PLD5: variants seen among roughly 807,000 people sequenced by gnomAD.
The protein encoded by PLD5 is phospholipase D family member 5.
PLD5 carries 36 observed loss-of-function variants against 61.1 expected under a neutral mutation model. The observed-to-expected ratio is 0.59, with a 90% confidence interval of 0.45 to 0.78. The LOEUF is 0.78. PLD5 is among the 30% of genes least tolerant of loss of function. The pLI is 0.00. For synonymous variants in PLD5, 243 were observed against 242.8 expected (o/e 1.00, Z -0.01); for missense variants, 515 against 644.4 (o/e 0.80, Z 2.17).
intron 9 of PLD5, among the ~76,000 whole-genome samples, chr1:242,096,695 T>A (rs1257965373): frequency 6.6e-6 from 1 of 151,528 alleles, no homozygotes; most frequent in Non-Finnish European, 1.5e-5. Flanking sequence ...TTTTTTTTTT[T>A]TTTAGTCTGC....
At chr1:242,515,508 T>C (rs1254218639) in intron 1 of PLD5, among the ~76,000 whole-genome samples, 3 of 152,218 alleles carry the variant, frequency 2.0e-5, no homozygotes, top group Non-Finnish European at 4.4e-5. Flanking sequence ...CCACCACGCC[T>C]GGCCAGCTTT....
rs562161987 is a variant in PLD5 at position 242,228,125 on chromosome 1, C to T, written c.608-8010G>A. On this transcript the variant is annotated intron_variant, in intron 4 of 9. Coordinates refer to ENST00000536534, the MANE Select transcript of PLD5 (RefSeq NM_001372062.1). ...CACATTTACACATTACACTTGCACACGAGGAAGATGGGAGGAAATGAGCAA... is the reference window on the plus strand; with the variant it reads ...CACATTTACACATTACACTTGCACATGAGGAAGATGGGAGGAAATGAGCAA... Among the ~76,000 whole-genome samples the T allele has an allele frequency of 8.5e-5, 13 of 152,212 alleles. No homozygotes were observed. In the Middle Eastern group the frequency reaches 0.01, roughly 119 times the overall value.
intron 6 of PLD5, among the ~76,000 whole-genome samples, chr1:242,121,510 A>C (rs566087168): frequency 6.6e-6 from 1 of 152,316 alleles, no homozygotes; most frequent in East Asian, 1.9e-4. Flanking sequence ...AAAATAGAAA[A>C]TAAAACAGGA....
intron 1 of PLD5, among the ~76,000 whole-genome samples, chr1:242,463,105 C>T (rs918093110): frequency 7.2e-5 from 11 of 152,190 alleles, no homozygotes; most frequent in Non-Finnish European, 1.5e-4. Flanking sequence ...TTCCCACGAG[C>T]TCATATCTTT....
intron 2 of PLD5, among the ~76,000 whole-genome samples, chr1:242,300,263 AC>A (rs1291907345): frequency 6.6e-6 from 1 of 152,112 alleles, no homozygotes; most frequent in African/African-American, 2.4e-5. Flanking sequence ...ACATGGTGAA[AC>A]CCTGTCTCTA....
chr1:242,430,619 G>A (rs1298759841), intron 1 of PLD5, among the ~76,000 whole-genome samples: 2 of 152,036 alleles, frequency 1.3e-5, no homozygotes, highest in Non-Finnish European at 2.9e-5. Context: ...TGGTGGGCTG[G>A]TTTCCCTATG....
At chr1:242,356,470 T>G (rs1238458004) in intron 1 of PLD5, among the ~76,000 whole-genome samples, 1 of 152,056 alleles carries the variant, frequency 6.6e-6, no homozygotes, top group Non-Finnish European at 1.5e-5. Flanking sequence ...AAAAGTGAAG[T>G]GTGTAGGCAG....
chr1:242,466,045 A>G (rs1194395285), intron 1 of PLD5, among the ~76,000 whole-genome samples: 5 of 152,268 alleles, frequency 3.3e-5, no homozygotes, highest in South Asian at 4.1e-4. Flanking sequence ...CTCAGATCAC[A>G]TCTTGTCAAA....
At chr1:242,479,681 T>C (rs1667707059) in intron 1 of PLD5, among the ~76,000 whole-genome samples, 3 of 152,092 alleles carry the variant, frequency 2.0e-5, no homozygotes, top group Non-Finnish European at 4.4e-5. Context: ...GATGCTAAAA[T>C]ATATATAAAA....
At chr1:242,379,618 T>TC (rs1662167971) in intron 1 of PLD5, among the ~76,000 whole-genome samples, 2 of 151,488 alleles carry the variant, frequency 1.3e-5, no homozygotes, top group East Asian at 3.9e-4. Context: ...GTTTACTACT[T>TC]TAAAAAAAAA....
At chr1:242,393,676 ATATATGTGTATATATATGAG>A (rs746397277) in intron 1 of PLD5, among the ~76,000 whole-genome samples, 1 of 102,202 alleles carries the variant, frequency 9.8e-6, no homozygotes, top group African/African-American at 3.5e-5. Context: ...ATATATGAGT[ATATATGTGTATATATATGAG>A]TATATATGTG....
intron 4 of PLD5, among the ~76,000 whole-genome samples, chr1:242,245,455 G>C (rs988078052): frequency 1.3e-5 from 2 of 152,166 alleles, no homozygotes; most frequent in Non-Finnish European, 2.9e-5. Context: ...CAAATCAAGC[G>C]CTTGCCTGTT....
intron 2 of PLD5, among the ~76,000 whole-genome samples, chr1:242,347,753 G>A (rs529087872): frequency 6.6e-6 from 1 of 152,092 alleles, no homozygotes; most frequent in Non-Finnish European, 1.5e-5. Context: ...ACATTTGATG[G>A]AACAACTAGC....
chr1:242,172,691 G>A (rs1666839037), intron 5 of PLD5, among the ~76,000 whole-genome samples: 1 of 151,888 alleles, frequency 6.6e-6, no homozygotes, highest in Non-Finnish European at 1.5e-5. Context: ...AATGATAAAG[G>A]GGATATTACC....
intron 2 of PLD5, among the ~76,000 whole-genome samples, chr1:242,321,760 G>A (rs543662386): frequency 6.6e-6 from 1 of 152,088 alleles, no homozygotes; most frequent in South Asian, 2.1e-4. Context: ...TGGTGGTTGG[G>A]GTAATCACTC....
At chr1:242,112,548 A>G (rs6660294) in intron 7 of PLD5, among the ~76,000 whole-genome samples, 45,181 of 152,052 alleles carry the variant, frequency 0.3, 7,095 homozygotes, top group Non-Finnish European at 0.35. Flanking sequence ...TTTCAATAAT[A>G]TGAATCTTGC....
At chr1:242,145,924 C>T (rs997340198) in intron 5 of PLD5, among the ~76,000 whole-genome samples, 2 of 152,234 alleles carry the variant, frequency 1.3e-5, no homozygotes, top group Admixed American at 6.5e-5. Flanking sequence ...GATCCACTCG[C>T]CTTGGCCTCC....
chr1:242,137,244 C>T (rs944098794), intron 5 of PLD5, among the ~76,000 whole-genome samples: 8 of 152,138 alleles, frequency 5.3e-5, no homozygotes, highest in African/African-American at 9.7e-5. Flanking sequence ...CATTACTGTA[C>T]GAAGCCCTCT....
Position 242,392,753 on chromosome 1 carries a change from G to A in PLD5, c.190-44511C>T, listed in dbSNP as rs545936735. 3.9e-5 allele frequency among the ~76,000 whole-genome samples: 6 copies of A among 152,218 alleles called. No homozygotes were observed. The South Asian group carries it at 1.2e-3, about 32-fold the overall frequency. On this transcript the variant is annotated intron_variant, in intron 1 of 9. Coordinates refer to ENST00000536534, the MANE Select transcript of PLD5 (RefSeq NM_001372062.1). ...AGTGGGTGGGAGGGTAGGAAGGCAG[G>A]GATGAAATAAGCAGTCACCTTGGGA...
Sources: allele counts gnomAD v4.1 joint callset (sites outside exome capture counted in the v4.1 genomes callset), GRCh38; gene constraint gnomAD v4.1.1; transcripts MANE v1.5; gene names NCBI Gene and HGNC (gene_info 2026-07-23, HGNC 2026-07-21).